The following KLHL29 variants were observed in gnomAD, a reference collection of about 807,000 sequenced individuals.
KLHL29 encodes the protein kelch like family member 29.
KLHL29 carries 21 observed loss-of-function variants against 80.4 expected under a neutral mutation model. The observed-to-expected ratio is 0.26, with a 90% CI of 0.19 to 0.38. The LOEUF (loss-of-function observed/expected upper bound fraction) is 0.38, where lower values mean the gene tolerates loss of function less well. Among genes scored for constraint, KLHL29 ranks in the 10% least tolerant of loss-of-function variants. KLHL29 has a pLI of 1.00. For synonymous variants in KLHL29, 511 were observed against 526.8 expected (o/e 0.97, Z 0.41); for missense variants, 867 against 1,223.9 (o/e 0.71, Z 4.35).
Position 23,522,066 on chromosome 2 carries a change from T to G in KLHL29, c.-45-40086T>G, listed in dbSNP as rs72849034. Among the ~76,000 whole-genome samples, 247 of 152,316 alleles carry G rather than the reference T, an allele frequency of 1.6e-3. 2 individuals are homozygous for G. The highest frequency in any genetic ancestry group is 5.8e-3 in the African/African-American group (241 of 41,568). On this transcript the variant is annotated intron_variant, in intron 2 of 13. Coordinates refer to ENST00000486442, the MANE Select transcript of KLHL29 (RefSeq NM_052920.2). ...TGTGGACCTGCTTGTTAGAATTGTT[T>G]GCAAAGGAAGCATCCATAGGCTATG...
Position 23,648,236 on chromosome 2 carries a change from C to T in KLHL29, c.940+5386C>T, listed in dbSNP as rs115538618. 6.8e-3 allele frequency among the ~76,000 whole-genome samples: 1,033 copies of T among 152,252 alleles called. 6 individuals are homozygous for T. Among genetic ancestry groups the T allele is most frequent in the African/African-American group, 0.02 (822 of 41,538 alleles). On this transcript the variant is annotated intron_variant, in intron 5 of 13. Coordinates refer to ENST00000486442, the MANE Select transcript of KLHL29 (RefSeq NM_052920.2). The stretch of plus-strand genomic sequence containing the variant: ...AGGCTCTGGAACTCTGCCTCAGTTT[C>T]CTCATCTATAAAAGGGGGAGAAGAC...
chr2:23,490,081 T>A (rs1391867053), intron 2 of KLHL29, among the ~76,000 whole-genome samples: 1 of 152,216 alleles, frequency 6.6e-6, no homozygotes, highest in Non-Finnish European at 1.5e-5. Context: ...TGGGGGAGCC[T>A]CCGTGGGCGA....
At chr2:23,673,886 C>T (rs376233873) in intron 5 of KLHL29, among the ~76,000 whole-genome samples, 1 of 152,124 alleles carries the variant, frequency 6.6e-6, no homozygotes, top group African/African-American at 2.4e-5. Context: ...CAAACACACA[C>T]GTAGATACAC....
intron 1 of KLHL29, among the ~76,000 whole-genome samples, chr2:23,450,627 G>A (rs1663850411): frequency 6.6e-6 from 1 of 152,158 alleles, no homozygotes; most frequent in Admixed American, 6.5e-5. Context: ...CCTTTGAAGT[G>A]AAGTTGCACT....
intron 1 of KLHL29, among the ~76,000 whole-genome samples, chr2:23,456,509 G>A (rs781099289): frequency 1.3e-5 from 2 of 152,240 alleles, no homozygotes; most frequent in African/African-American, 2.4e-5. Context: ...CAAAATATCC[G>A]AGAACTAAAT....
chr2:23,392,524 C>T (rs746122097), intron 1 of KLHL29, among the ~76,000 whole-genome samples: 1 of 152,136 alleles, frequency 6.6e-6, no homozygotes, highest in South Asian at 2.1e-4. Flanking sequence ...TAATAGCTTC[C>T]AGTTATGGCT....
rs1373761337 is a variant in KLHL29 at position 23,703,802 on chromosome 2, G to A, written c.2383G>A (p.Asp795Asn). ...GAYARATTIYDPEKGNIKAGP... is the reference protein window; with the variant it reads ...GAYARATTIYNPEKGNIKAGP... ...TTATGCCAGAGCTACCACCATCTAC[G>A]ACCCTGAGAAAGGAAACATTAAGGC... Residue 795 changes from aspartate (D) to asparagine (N), a missense_variant, in exon 13 of 14, where the codon GAC (aspartate) becomes AAC (asparagine). Asp to Asn is a conservative substitution (Grantham distance 23). Transcript: ENST00000486442. The A allele has an allele frequency of 5.2e-6, 8 of 1,537,340 alleles. No homozygotes were observed. In the East Asian group the frequency reaches 7.3e-5, roughly 14 times the overall value.
chr2:23,394,547 G>A (rs934982847), intron 1 of KLHL29, among the ~76,000 whole-genome samples: 1 of 152,216 alleles, frequency 6.6e-6, no homozygotes, highest in African/African-American at 2.4e-5. Flanking sequence ...GGGTTACAGG[G>A]AGGAAGGATC....
intron 2 of KLHL29, among the ~76,000 whole-genome samples, chr2:23,495,473 A>G (rs965224820): frequency 1.4e-4 from 22 of 152,154 alleles, no homozygotes; most frequent in Admixed American, 2.0e-4. Context: ...AATGTCTGAA[A>G]TGTCATCTCA....
chr2:23,643,475 C>CT (rs1008798443), intron 5 of KLHL29: 5 of 167,866 alleles, frequency 3.0e-5, no homozygotes, highest in Admixed American at 1.1e-4. Flanking sequence ...AGTTAACCCT[C>CT]TTCCCCCAGC....
intron 2 of KLHL29, among the ~76,000 whole-genome samples, chr2:23,509,514 A>T (rs2103460910): frequency 6.6e-6 from 1 of 152,274 alleles, no homozygotes; most frequent in Non-Finnish European, 1.5e-5. Context: ...AGGTCATTAC[A>T]GTCAATAAGG....
chr2:23,388,362 A>G (rs1264068868), intron 1 of KLHL29, among the ~76,000 whole-genome samples: 3 of 152,234 alleles, frequency 2.0e-5, no homozygotes, highest in African/African-American at 7.2e-5. Context: ...TGAGTCAGTC[A>G]CTTTAAGACC....
intron 3 of KLHL29, among the ~76,000 whole-genome samples, chr2:23,566,235 C>G (rs1195795442): frequency 6.6e-6 from 1 of 152,222 alleles, no homozygotes; most frequent in East Asian, 1.9e-4. Context: ...CTCCCCCAGC[C>G]CCGCAACACA....
In KLHL29 at chr2:23,449,404, C is replaced by T. The variant is rs181035192; in HGVS notation, c.-153-26156C>T. Reference sequence around the variant, plus strand: ...AAAACAGTAGACATGTAATATTGTTCGCCTAGTCTATAGGTTGGCTGGTTC... The same window carrying T: ...AAAACAGTAGACATGTAATATTGTTTGCCTAGTCTATAGGTTGGCTGGTTC... On this transcript the variant is annotated intron_variant, in intron 1 of 13. Coordinates refer to ENST00000486442, the MANE Select transcript of KLHL29 (RefSeq NM_052920.2). 3.1e-3 allele frequency among the ~76,000 whole-genome samples: 468 copies of T among 152,258 alleles called. 2 individuals are homozygous for T. Among genetic ancestry groups the T allele is most frequent in the African/African-American group, 5.8e-3 (239 of 41,548 alleles).
rs11125152 is a variant in KLHL29 at position 23,647,559 on chromosome 2, C to T, written c.940+4709C>T. 0.29 allele frequency among the ~76,000 whole-genome samples: 43,367 copies of T among 152,056 alleles called. 7,581 individuals are homozygous for T. Among genetic ancestry groups the T allele is most frequent in the East Asian group, 0.47 (2,431 of 5,154 alleles). Reference sequence around the variant, plus strand: ...GCTCTTCTGTACCCCCACCACCCCACCATCAGGCCACCGTCACCTCTGGCC... The same window carrying T: ...GCTCTTCTGTACCCCCACCACCCCATCATCAGGCCACCGTCACCTCTGGCC... On this transcript the variant is annotated intron_variant, in intron 5 of 13. Transcript: ENST00000486442. The surrounding 1 kb of genome is among the most constrained non-coding windows in gnomAD (Gnocchi z 4.9).
intron 3 of KLHL29, among the ~76,000 whole-genome samples, chr2:23,567,541 A>T (rs1667617904): frequency 6.6e-6 from 1 of 152,220 alleles, no homozygotes. Flanking sequence ...CATCATAGAG[A>T]CAACGCTGGA....
At chr2:23,589,392 G>A (rs759265087) in intron 3 of KLHL29, among the ~76,000 whole-genome samples, 41 of 152,394 alleles carry the variant, frequency 2.7e-4, no homozygotes, top group Admixed American at 5.2e-4. Context: ...GCCTGGGTGT[G>A]TCCAGGTGGA....
chr2:23,623,812 G>A (rs553777950), intron 3 of KLHL29, among the ~76,000 whole-genome samples: 9 of 152,358 alleles, frequency 5.9e-5, no homozygotes, highest in African/African-American at 1.7e-4. Context: ...GTTGTACAGC[G>A]TGGACTGTGT....
At chr2:23,586,736 G>A (rs1668128922) in intron 3 of KLHL29, among the ~76,000 whole-genome samples, 1 of 152,150 alleles carries the variant, frequency 6.6e-6, no homozygotes, top group Non-Finnish European at 1.5e-5. Flanking sequence ...GGAGGGAGAA[G>A]CCCTTGTGCT....
Sources: gnomAD v4.1 joint callset for allele counts (sites outside exome capture counted in the v4.1 genomes callset) on GRCh38, gnomAD v4.1.1 for gene constraint, Gnocchi (gnomAD v3.1) non-coding constraint, MANE v1.5 for transcripts, NCBI Gene and HGNC (gene_info 2026-07-23, HGNC 2026-07-21) for gene names.